GLB1L3: variants seen among roughly 807,000 people sequenced by gnomAD.
GLB1L3 encodes galactosidase beta 1 like 3.
In GLB1L3, 89 loss-of-function variants were observed where a neutral mutation model predicts 89.5. The observed-to-expected ratio is 0.99, with a 90% CI of 0.84 to 1.19. The LOEUF is 1.19. GLB1L3 is among the 50% of genes most tolerant of loss of function. The pLI is 0.00. For synonymous variants in GLB1L3, 314 were observed against 312.3 expected, an observed-to-expected ratio of 1.01 and a Z score of -0.06; for missense variants, 812 against 813.3, an observed-to-expected ratio of 1.00 and a Z score of 0.02.
downstream of GLB1L3, among the ~76,000 whole-genome samples, chr11:134,320,165 C>T (rs80003954): frequency 2.0e-5 from 3 of 152,098 alleles, no homozygotes; most frequent in African/African-American, 7.2e-5. Context: ...AATCTTATCA[C>T]CCTGTTAAAT....
chr11:134,323,349 C>T (rs1003952899), downstream of GLB1L3, among the ~76,000 whole-genome samples: 4 of 151,976 alleles, frequency 2.6e-5, no homozygotes, highest in African/African-American at 9.7e-5. Flanking sequence ...GGTGAAACCC[C>T]GTCTCTACTA....
Position 134,309,701 on chromosome 11 carries a change from A to G in GLB1L3, c.1037A>G (p.Asn346Ser). 1.9e-6 allele frequency: 3 copies of G among 1,613,454 alleles called. No homozygotes were observed. The South Asian group carries it at 3.3e-5, about 18-fold the overall frequency. ...FNVYMFHGGTNFGFMNGATYF... is the reference protein window; with the variant it reads ...FNVYMFHGGTSFGFMNGATYF... The stretch of plus-strand genomic sequence containing the variant: ...GTATATATGTTCCATGGTGGAACCA[A>G]CTTTGGTTTCATGAACGGGGCCACA... Residue 346 changes from asparagine to serine, a missense_variant, in exon 11 of 20, where the codon AAC becomes AGC. By Grantham distance (46) the Asn-to-Ser change is conservative (BLOSUM62 1). This residue lies in a region of GLB1L3 where 618 missense variants were observed against 604.0 expected (regional missense o/e 1.02). Transcript: ENST00000431683.
At chr11:134,308,172 CCACCACCAT>C (rs1201144012) in intron 10 of GLB1L3, among the ~76,000 whole-genome samples, 4 of 139,156 alleles carry the variant, frequency 2.9e-5, no homozygotes, top group African/African-American at 8.2e-5. Context: ...ACCACCAGCA[CCACCACCAT>C]CACCATCATC....
chr11:134,303,988 ATTTTTTGTTTCT>A (rs1056428474), intron 9 of GLB1L3, among the ~76,000 whole-genome samples: 1 of 151,936 alleles, frequency 6.6e-6, no homozygotes, highest in Non-Finnish European at 1.5e-5. Context: ...ATTACTAAGA[ATTTTTTGTTTCT>A]TTTTTTGTTT....
At chr11:134,292,325 T>A in intron 8 of GLB1L3, 112 bp downstream of exon 8, 1 of 706,338 alleles carries the variant, frequency 1.4e-6, no homozygotes, top group South Asian at 1.8e-5. Context: ...CTTTCCCGTG[T>A]CCACTGGGAT....
rs369923653 is a variant in GLB1L3, at chr11:134,310,652, G to A, written c.1180+1G>A. 4 of 1,610,290 alleles carry A rather than the reference G, an allele frequency of 2.5e-6. No homozygotes were observed. The South Asian group carries it at 3.3e-5, about 13-fold the overall frequency. On this transcript the variant is annotated splice_donor_variant, in intron 12 of 19. Coordinates refer to ENST00000431683, the MANE Select transcript of GLB1L3 (RefSeq NM_001080407.3). LOFTEE classifies it high-confidence loss of function. ...CAAAAACTCTTTCAATCTGTCTCAGGTACTCAGCACCCATTTAACTTACGG... is the reference window on the plus strand; with the variant it reads ...CAAAAACTCTTTCAATCTGTCTCAGATACTCAGCACCCATTTAACTTACGG...
intron 18 of GLB1L3, among the ~76,000 whole-genome samples, chr11:134,315,752 C>A (rs1277830672): frequency 6.6e-6 from 1 of 152,110 alleles, no homozygotes; most frequent in African/African-American, 2.4e-5. Context: ...GGCTATGACT[C>A]TTACTGTGTT....
chr11:134,290,856 G>A (rs961339406), intron 7 of GLB1L3, among the ~76,000 whole-genome samples: 1 of 152,046 alleles, frequency 6.6e-6, no homozygotes, highest in Non-Finnish European at 1.5e-5. Flanking sequence ...AGCACAGAGT[G>A]GTTCCCTGGT....
At chr11:134,277,157 G>A (rs1343670858) in intron 1 of GLB1L3, 169 bp from the exon 2 acceptor site, 3 of 789,790 alleles carry the variant, frequency 3.8e-6, no homozygotes, top group Middle Eastern at 2.3e-4. Context: ...AGGACTGGCC[G>A]GGTGATGCCG....
intron 9 of GLB1L3, among the ~76,000 whole-genome samples, chr11:134,300,299 C>T (rs963803304): frequency 6.6e-6 from 1 of 150,622 alleles, no homozygotes; most frequent in Non-Finnish European, 1.5e-5. Context: ...GGACACCAGA[C>T]ATATTGGATT....
At chr11:134,292,868 T>C (rs967491508) in intron 8 of GLB1L3, 1 of 527,592 alleles carries the variant, frequency 1.9e-6, no homozygotes, top group Non-Finnish European at 3.4e-6. Context: ...CTGTGTCCCG[T>C]TTCCAGTCTA....
chr11:134,287,398 T>A (rs1248046662), intron 6 of GLB1L3: 1 of 152,244 alleles, frequency 6.6e-6, no homozygotes, highest in Non-Finnish European at 1.5e-5. Context: ...TCATTAGTAT[T>A]TTAAGGTCCC....
intron 9 of GLB1L3, among the ~76,000 whole-genome samples, chr11:134,299,553 C>A (rs1941832979): frequency 6.6e-6 from 1 of 152,032 alleles, no homozygotes; most frequent in Non-Finnish European, 1.5e-5. Flanking sequence ...TCTGGTGGTA[C>A]CTTGTGTCAA....
At chr11:134,294,539 C>T (rs1186100625) in intron 9 of GLB1L3, among the ~76,000 whole-genome samples, 1 of 152,156 alleles carries the variant, frequency 6.6e-6, no homozygotes, top group Non-Finnish European at 1.5e-5. Context: ...CTCATTTGTA[C>T]ACCATTAAAT....
chr11:134,283,945 C>G, intron 6 of GLB1L3, 100 bp downstream of exon 6: 1 of 709,780 alleles, frequency 1.4e-6, no homozygotes, highest in Non-Finnish European at 2.5e-6. Context: ...TCTCCATGAA[C>G]AATTGAGTTG....
At chr11:134,291,976 T>TA (rs931447552) in intron 7 of GLB1L3, among the ~76,000 whole-genome samples, 156 bp from the exon 8 acceptor site, 1 of 152,136 alleles carries the variant, frequency 6.6e-6, no homozygotes, top group African/African-American at 2.4e-5. Flanking sequence ...ACCCTGTCTC[T>TA]AAAAAAAATT....
At chr11:134,290,860 C>T (rs939784638) in intron 7 of GLB1L3, among the ~76,000 whole-genome samples, 11 of 152,092 alleles carry the variant, frequency 7.2e-5, no homozygotes, top group African/African-American at 2.4e-4. Flanking sequence ...CAGAGTGGTT[C>T]CCTGGTCTTC....
At chr11:134,301,659 G>T (rs1941956772) in intron 9 of GLB1L3, among the ~76,000 whole-genome samples, 1 of 151,624 alleles carries the variant, frequency 6.6e-6, no homozygotes, top group Non-Finnish European at 1.5e-5. Context: ...ACTATTTTTG[G>T]TTTATTTTGC....
intron 10 of GLB1L3, among the ~76,000 whole-genome samples, chr11:134,308,199 C>CACCATCAT (rs1942317898): frequency 1.8e-5 from 1 of 55,966 alleles, no homozygotes; most frequent in African/African-American, 1.0e-4. Context: ...ATCACCATCA[C>CACCATCAT]CACTACCACC....
Sources: gnomAD v4.1 joint callset for allele counts (sites outside exome capture counted in the v4.1 genomes callset) on GRCh38, gnomAD v4.1.1 for gene constraint, gnomAD v4.1.1 regional missense constraint, MANE v1.5 for transcripts, NCBI Gene and HGNC (gene_info 2026-07-23, HGNC 2026-07-21) for gene names.